Variants in PPP2R3B observed in about 807,000 individuals in gnomAD.
PPP2R3B encodes the protein serine/threonine-protein phosphatase 2A regulatory subunit B'' subunit beta.
A neutral mutation model predicts 72.9 loss-of-function variants in PPP2R3B; 68 were observed. The observed-to-expected ratio is 0.93, with a 90% CI of 0.77 to 1.14. The LOEUF (loss-of-function observed/expected upper bound fraction) is 1.14, where lower values mean the gene tolerates loss of function less well. Ranked by LOEUF, PPP2R3B falls within the 50% of genes most tolerant of loss-of-function variation. PPP2R3B has a pLI of 0.00. For synonymous variants in PPP2R3B, 466 were observed against 375.8 expected (o/e 1.24, Z -2.78); for missense variants, 1,018 against 842.0 (o/e 1.21, Z -2.59).
At chrX:372,878 A>AG (rs1465124417) in intron 1 of PPP2R3B, among the ~76,000 whole-genome samples, 1 of 152,212 alleles carries the variant, frequency 6.6e-6, no homozygotes. Context: ...CAGTGAGCCG[A>AG]GATAGCGCCG....
At chrX:364,387 A>C (rs945048594) in intron 1 of PPP2R3B, among the ~76,000 whole-genome samples, 3 of 151,728 alleles carry the variant, frequency 2.0e-5, no homozygotes, top group African/African-American at 7.3e-5. Context: ...GAAAACCCTC[A>C]AACCGGCCGG....
At chrX:346,614 G>T in intron 5 of PPP2R3B, 87 bp downstream of exon 5, 1 of 1,320,714 alleles carries the variant, frequency 7.6e-7, no homozygotes, top group Non-Finnish European at 1.1e-6. Flanking sequence ...GGCCCCGCCC[G>T]CCCCGTCCGC....
At chrX:364,876 C>G (rs1262577963) in intron 1 of PPP2R3B, among the ~76,000 whole-genome samples, 1 of 11,546 alleles carries the variant, frequency 8.7e-5, no homozygotes, top group Non-Finnish European at 1.5e-4. Flanking sequence ...GAGTGAGACT[C>G]TGTCTCAAAA....
At chrX:356,492 T>C (rs1179681863) in intron 2 of PPP2R3B, among the ~76,000 whole-genome samples, 3 of 152,126 alleles carry the variant, frequency 2.0e-5, no homozygotes. Context: ...CTGGGATTAG[T>C]GGAGTGAGCC....
intron 1 of PPP2R3B, among the ~76,000 whole-genome samples, chrX:371,244 C>G (rs893486160): frequency 6.6e-5 from 10 of 152,192 alleles, no homozygotes; most frequent in Middle Eastern, 3.4e-3. Flanking sequence ...AGCCGTGTAA[C>G]ACGCCATCGT....
intron 1 of PPP2R3B, among the ~76,000 whole-genome samples, chrX:369,634 CCT>C (rs1282698959): frequency 2.0e-5 from 3 of 152,220 alleles, no homozygotes; most frequent in African/African-American, 7.2e-5. Flanking sequence ...CGTGACACAT[CCT>C]CTCGCGACAC....
intron 2 of PPP2R3B, among the ~76,000 whole-genome samples, chrX:358,572 T>C (rs2071480598): frequency 6.6e-6 from 1 of 152,180 alleles, no homozygotes; most frequent in Admixed American, 6.5e-5. Context: ...CTCTGGGGCG[T>C]CGAAGACAAC....
At chrX:345,079 G>GTATA (rs2124620433) in intron 7 of PPP2R3B, 3 of 447,718 alleles carry the variant, frequency 6.7e-6, no homozygotes, top group South Asian at 4.8e-5. Context: ...TCCCGCGGAG[G>GTATA]TATATGAACG....
At chrX:334,820 G>A (rs767296882) in intron 12 of PPP2R3B, 47 of 348,522 alleles carry the variant, frequency 1.3e-4, no homozygotes, top group East Asian at 3.2e-4. Context: ...CGAGCTGCAC[G>A]GGACCTGTGT....
chrX:372,357 C>A (rs1454471568), intron 1 of PPP2R3B, among the ~76,000 whole-genome samples: 1 of 152,206 alleles, frequency 6.6e-6, no homozygotes, highest in Non-Finnish European at 1.5e-5. Flanking sequence ...TCTTCCTCCC[C>A]CTTCAAGCAG....
intron 2 of PPP2R3B, among the ~76,000 whole-genome samples, chrX:348,056 C>T (rs748386930): frequency 1.2e-4 from 18 of 152,202 alleles, no homozygotes; most frequent in African/African-American, 4.1e-4. Flanking sequence ...GTGAATCGGA[C>T]GGCGACAGAA....
intron 2 of PPP2R3B, among the ~76,000 whole-genome samples, chrX:360,627 C>A (rs2071519587): frequency 6.6e-6 from 1 of 152,212 alleles, no homozygotes; most frequent in Non-Finnish European, 1.5e-5. Context: ...AGGGGTCTCA[C>A]CGTGAGGGGC....
chrX:345,135 T>C, intron 7 of PPP2R3B: 1 of 502,440 alleles, frequency 2.0e-6, no homozygotes, highest in Non-Finnish European at 3.9e-6. Context: ...GGATGGAAAC[T>C]GCTCCAGGCC....
chrX:352,736 C>T (rs971567093), intron 2 of PPP2R3B, among the ~76,000 whole-genome samples: 5 of 151,810 alleles, frequency 3.3e-5, no homozygotes, highest in East Asian at 1.9e-4. Flanking sequence ...CGACACCAAC[C>T]GACAGGTGTG....
At chrX:336,160 C>G (rs778443867) in intron 12 of PPP2R3B, 6 of 152,216 alleles carry the variant, frequency 3.9e-5, no homozygotes, top group African/African-American at 1.2e-4. Context: ...ACAGCCAGAC[C>G]CTGTCTCCAA....
chrX:340,840 T>C lies in PPP2R3B; in HGVS notation c.1276A>G (p.Ser426Gly), dbSNP rs1253062684. The C allele has an allele frequency of 8.1e-6, 13 of 1,611,808 alleles. No homozygotes were observed. The highest frequency in any genetic ancestry group is 2.2e-5 in the East Asian group (1 of 44,830). ...AAGGGCAGGGCCTCGATGGCCATGC[T>C]GTCCAGCCTTCGGCACTGCTCCTCG... is the stretch of plus-strand genomic sequence containing the variant. Reference protein sequence around the residue: ...FYEEQCRRLDSMAIEALPFQD... With the variant: ...FYEEQCRRLDGMAIEALPFQD... The change falls in exon 10 of 13, where the codon AGC becomes GGC. Residue 426 changes from serine to glycine, a missense_variant. By Grantham distance (56) the Ser-to-Gly change is moderately conservative. Coordinates refer to ENST00000390665, the MANE Select transcript of PPP2R3B (RefSeq NM_013239.5).
intron 9 of PPP2R3B, 176 bp from the exon 10 acceptor site, chrX:341,116 CCT>C (rs1287828440): frequency 2.4e-6 from 1 of 415,038 alleles, no homozygotes; most frequent in African/African-American, 9.3e-5. Flanking sequence ...CACGCGTCCC[CCT>C]GTGCCGTGCA....
chrX:381,029 G>A (rs2072113317), intron 1 of PPP2R3B, among the ~76,000 whole-genome samples: 1 of 151,626 alleles, frequency 6.6e-6, no homozygotes, highest in Non-Finnish European at 1.5e-5. Flanking sequence ...TCGAACTCCT[G>A]GGATCTTCCT....
intron 2 of PPP2R3B, among the ~76,000 whole-genome samples, chrX:349,114 A>C (rs975756836): frequency 6.6e-6 from 1 of 152,132 alleles, no homozygotes; most frequent in African/African-American, 2.4e-5. Flanking sequence ...CTATGGCCTG[A>C]ATGCCTGGGT....
Sources: gnomAD v4.1 joint callset for allele counts (sites outside exome capture counted in the v4.1 genomes callset) on GRCh38, gnomAD v4.1.1 for gene constraint, MANE v1.5 for transcripts, NCBI Gene and HGNC (gene_info 2026-07-23, HGNC 2026-07-21) for gene names.